TTLL1: variants seen among roughly 807,000 people sequenced by gnomAD.
TTLL1 encodes polyglutamylase complex subunit TTLL1.
Under a neutral mutation model 47.8 loss-of-function variants are expected in TTLL1, and 33 were observed. The ratio of observed to expected loss-of-function variants is 0.69; its 90% CI spans 0.52 to 0.92. TTLL1 has a LOEUF of 0.92. Among genes scored for constraint, TTLL1 ranks in the 40% least tolerant of loss-of-function variants. The probability of loss-of-function intolerance (pLI) is 0.00; values close to 1 mark genes in which losing one functional copy is unlikely to be tolerated. For missense variants in TTLL1, 488 were observed against 547.5 expected (o/e 0.89, Z 1.08); for synonymous variants, 225 against 214.1 (o/e 1.05, Z -0.45).
chr22:43,069,814 G>A lies in TTLL1; in HGVS notation c.144C>T (p.Phe48=). 1 of 1,614,198 alleles carries A rather than the reference G, an allele frequency of 6.2e-7. No individual in the cohort carries two copies. Among genetic ancestry groups the A allele is most frequent in the Non-Finnish European group, 8.5e-7 (1 of 1,180,036 alleles). The change falls in exon 4 of 11, where the codon TTC becomes TTT. Residue 48 remains phenylalanine, a synonymous_variant. Transcript: ENST00000266254. ...AGAGCCGATATCCAGCTTCAACGCT[G>A]AACACATTTCGGATGGTTTGCACAC... The part of the protein sequence containing the change: ...WMSVQTIRNV[F]SVEAGYRLSD...
intron 9 of TTLL1, among the ~76,000 whole-genome samples, chr22:43,048,656 G>A (rs894791545): frequency 1.7e-4 from 25 of 150,274 alleles, no homozygotes; most frequent in African/African-American, 6.1e-4. Context: ...AAAAAACCCA[G>A]GCCAGACATG....
chr22:43,087,698 C>T (rs978453197), intron 1 of TTLL1, among the ~76,000 whole-genome samples: 1 of 150,194 alleles, frequency 6.7e-6, no homozygotes, highest in Non-Finnish European at 1.5e-5. Context: ...ATCAGCCGGG[C>T]GTGGTGGTGG....
At chr22:43,055,339 CTT>C (rs988429886) in intron 8 of TTLL1, among the ~76,000 whole-genome samples, 1 of 144,170 alleles carries the variant, frequency 6.9e-6, no homozygotes. Context: ...AGTTTTCTTT[CTT>C]TTTTTTTTGA....
At chr22:43,074,884 GA>G (rs1321615708) in intron 3 of TTLL1, among the ~76,000 whole-genome samples, 1 of 151,298 alleles carries the variant, frequency 6.6e-6, no homozygotes, top group Admixed American at 6.6e-5. Context: ...TACAAAAAAA[GA>G]AAAAAATGTG....
chr22:43,058,748 G>A (rs554913033), intron 8 of TTLL1, among the ~76,000 whole-genome samples: 53 of 152,008 alleles, frequency 3.5e-4, no homozygotes, highest in Non-Finnish European at 4.6e-4. Context: ...AGGCTGGAGT[G>A]CAATGGCGCG....
chr22:43,051,893 G>T lies in TTLL1; in HGVS notation c.892-6C>A, dbSNP rs1926655278. The T allele has an allele frequency of 6.2e-7, 1 of 1,613,608 alleles. No homozygotes were observed. The highest frequency in any genetic ancestry group is 1.3e-5 in the African/African-American group (1 of 74,870). On this transcript the variant is annotated splice_region_variant and splice_polypyrimidine_tract_variant and intron_variant, in intron 8 of 10. Transcript: ENST00000266254. ...TTGTCATTGTTCATCACCGGCTGGAGAGAGAGTGACCAGTGGGTGACATGG... is the reference window on the plus strand; with the variant it reads ...TTGTCATTGTTCATCACCGGCTGGATAGAGAGTGACCAGTGGGTGACATGG...
At chr22:43,063,671 C>T (rs1927536442) in intron 7 of TTLL1, 142 bp downstream of exon 7, 8 of 609,480 alleles carry the variant, frequency 1.3e-5, no homozygotes, top group African/African-American at 3.7e-5. Flanking sequence ...TCATTGTGTT[C>T]GTCAGGCTGG....
chr22:43,079,186 C>T (rs55863932), intron 2 of TTLL1, among the ~76,000 whole-genome samples: 5,607 of 90,842 alleles, frequency 0.062, 276 homozygotes, highest in Non-Finnish European at 0.09. Flanking sequence ...CCCACAGACA[C>T]GGGGACCACG....
At chr22:43,059,552 A>C in intron 7 of TTLL1, 25 bp from the exon 8 acceptor site, 1 of 1,605,074 alleles carries the variant, frequency 6.2e-7, no homozygotes, top group Non-Finnish European at 8.5e-7. Context: ...GCGGGCAGGC[A>C]TCCCTCAGGC....
In TTLL1 at chr22:43,085,490, G is replaced by A. The variant is rs6003046; in HGVS notation, c.-90+3787C>T. On this transcript the variant is annotated intron_variant, in intron 1 of 10. Coordinates refer to ENST00000266254, the MANE Select transcript of TTLL1 (RefSeq NM_012263.5). Reference sequence around the variant, plus strand: ...AACGAATCATGGGAGTGGTTCCCCCGTACTGTTCTCGTGGTAGTGAATAAA... The same window carrying A: ...AACGAATCATGGGAGTGGTTCCCCCATACTGTTCTCGTGGTAGTGAATAAA... Among the ~76,000 whole-genome samples, 1,142 of 152,256 alleles carry A rather than the reference G, an allele frequency of 7.5e-3. 14 individuals are homozygous for A. Among genetic ancestry groups the A allele is most frequent in the African/African-American group, 0.024 (988 of 41,546 alleles).
At chr22:43,058,693 T>TG (rs1376854200) in intron 8 of TTLL1, among the ~76,000 whole-genome samples, 1 of 148,336 alleles carries the variant, frequency 6.7e-6, no homozygotes, top group African/African-American at 2.5e-5. Flanking sequence ...GGTTTTTTTT[T>TG]GTTTTTTTTT....
chr22:43,069,247 T>G (rs1380663271), intron 4 of TTLL1, among the ~76,000 whole-genome samples: 1 of 145,406 alleles, frequency 6.9e-6, no homozygotes, highest in Non-Finnish European at 1.5e-5. Context: ...AAAAAATTAG[T>G]CGGGCATGGT....
chr22:43,058,756 G>A (rs574803504), intron 8 of TTLL1, among the ~76,000 whole-genome samples: 25 of 152,044 alleles, frequency 1.6e-4, no homozygotes, highest in Non-Finnish European at 2.4e-4. Context: ...GTGCAATGGC[G>A]CGATCGCGGC....
intron 1 of TTLL1, among the ~76,000 whole-genome samples, chr22:43,085,450 G>A (rs1327871773): frequency 6.6e-6 from 1 of 152,176 alleles, no homozygotes; most frequent in Non-Finnish European, 1.5e-5. Flanking sequence ...TCAAGGGCAG[G>A]GCAAGGTGGA....
intron 10 of TTLL1, among the ~76,000 whole-genome samples, chr22:43,043,605 C>T (rs1245541456): frequency 1.3e-5 from 2 of 152,064 alleles, no homozygotes; most frequent in African/African-American, 2.4e-5. Flanking sequence ...GAACTCTCTG[C>T]CCATCATCGC....
rs904537195 is a variant in TTLL1 at position 43,039,707 on chromosome 22, A to T, written c.*69T>A. 6 of 1,487,980 alleles carry T rather than the reference A, an allele frequency of 4.0e-6. No homozygotes were observed. The African/African-American group carries it at 8.5e-5, about 21-fold the overall frequency. 92.2% of individuals were successfully genotyped at this position (1,487,980 alleles called of 1,614,324 possible). On this transcript the variant is annotated 3_prime_UTR_variant, in exon 11 of 11. Coordinates refer to ENST00000266254, the MANE Select transcript of TTLL1 (RefSeq NM_012263.5). ...AAAGGAAAAAAGCTCTACAAAAGGG[A>T]AATTTCAAAATAGGGCTTCAGCAGG...
At chr22:43,085,150 G>C (rs1026332538) in intron 1 of TTLL1, among the ~76,000 whole-genome samples, 2 of 151,638 alleles carry the variant, frequency 1.3e-5, no homozygotes, top group Non-Finnish European at 2.9e-5. Context: ...CTAATTTTTT[G>C]TATTTTTAAT....
At chr22:43,085,959 AGGCCTAG>A (rs1929203554) in intron 1 of TTLL1, among the ~76,000 whole-genome samples, 1 of 152,236 alleles carries the variant, frequency 6.6e-6, no homozygotes, top group African/African-American at 2.4e-5. Flanking sequence ...GCAGCCAGCC[AGGCCTAG>A]CGTGGGGCTC....
At chr22:43,078,516 C>A (rs56050372) in intron 2 of TTLL1, among the ~76,000 whole-genome samples, 42,285 of 151,650 alleles carry the variant, frequency 0.28, 6,968 homozygotes, top group Non-Finnish European at 0.36. Context: ...GAAGGAAAAA[C>A]AAAAGAGAAG....
Sources: gnomAD v4.1 joint callset for allele counts (sites outside exome capture counted in the v4.1 genomes callset) on GRCh38, gnomAD v4.1.1 for gene constraint, MANE v1.5 for transcripts, NCBI Gene and HGNC (gene_info 2026-07-23, HGNC 2026-07-21) for gene names.